Variants in PCDH20 observed in about 807,000 individuals in gnomAD.
The protein encoded by PCDH20 is protocadherin 20.
In PCDH20, 18 loss-of-function variants were observed where a neutral mutation model predicts 39.7. The observed-to-expected ratio is 0.45, with a 90% CI of 0.31 to 0.67. The LOEUF (loss-of-function observed/expected upper bound fraction) is 0.67. Ranked by LOEUF, PCDH20 falls within the 30% of genes least tolerant of loss-of-function variation. The pLI is 0.05. For missense variants in PCDH20, 1,161 were observed against 1,167.4 expected (o/e 0.99, Z 0.08); for synonymous variants, 495 against 455.4 (o/e 1.09, Z -1.11).
At position 61,412,547 on chromosome 13, in the gene PCDH20, T is replaced by A; in HGVS notation, c.1552A>T (p.Lys518Ter). The A allele has an allele frequency of 6.2e-7, 1 of 1,614,118 alleles. No individual in the cohort carries two copies. The change falls in exon 2 of 2, where the codon AAA becomes TAA. Residue 518 changes from lysine (K) to a stop codon, truncating the protein, a stop_gained. Coordinates refer to ENST00000409204, the Ensembl canonical transcript of PCDH20. LOFTEE classifies it high-confidence loss of function. The stretch of plus-strand genomic sequence containing the variant: ...AAAAGTTGCACTTTAATGACCCTTT[T>A]GACATGAAATCCCTCAGAGTTCCAA...
exon 2 of PCDH20, chr13:61,412,918 T>C: frequency 6.2e-7 from 1 of 1,614,158 alleles, no homozygotes; most frequent in Non-Finnish European, 8.5e-7. Flanking sequence ...GGTGAGCTTG[T>C]GGGACTCCAG....
exon 2 of PCDH20, chr13:61,409,959 A>T (rs1179750639): frequency 1.3e-5 from 2 of 152,112 alleles, no homozygotes; most frequent in African/African-American, 4.8e-5. Context: ...AAGCTAACAC[A>T]TTCCTTGTTT....
chr13:61,413,771 C>T (rs1871471064), exon 2 of PCDH20: 2 of 1,613,516 alleles, frequency 1.2e-6, no homozygotes, highest in Admixed American at 1.7e-5. Context: ...CACTCAGCAC[C>T]GGTGCGCTCT....
At position 61,413,597 on chromosome 13, in the gene PCDH20, T is replaced by C. The variant is rs747658490; in HGVS notation, c.502A>G (p.Ile168Val). The change falls in exon 2 of 2, where the codon ATC (isoleucine) becomes GTC (valine). Residue 168 changes from isoleucine to valine, a missense_variant. Transcript: ENST00000409204. ...CAAGAGTCAGAAGGAGAGGAGGAGA[T>C]GGAAACGCTGCCGCTCCACGCAGTC... 3.1e-6 allele frequency: 5 copies of C among 1,614,060 alleles called. No homozygotes were observed. In the Admixed American group the frequency reaches 5.0e-5, roughly 16 times the overall value.
exon 2 of PCDH20, chr13:61,412,507 T>G: frequency 6.2e-7 from 1 of 1,614,190 alleles, no homozygotes; most frequent in Non-Finnish European, 8.5e-7. Context: ...AATTGGAGCA[T>G]TATCATTGTC....
chr13:61,413,649 C>T (rs1444715292), exon 2 of PCDH20: 1 of 1,614,212 alleles, frequency 6.2e-7, no homozygotes, highest in South Asian at 1.1e-5. Context: ...CACACAGGGC[C>T]TCCCTGTCGA....
chr13:61,411,820 G>A (rs1345156589), exon 2 of PCDH20: 1 of 1,614,048 alleles, frequency 6.2e-7, no homozygotes, highest in African/African-American at 1.3e-5. Context: ...CGGGGAGCCT[G>A]GCAGAGTAGA....
exon 2 of PCDH20, chr13:61,413,844 C>G: frequency 6.2e-7 from 1 of 1,612,808 alleles, no homozygotes; most frequent in Non-Finnish European, 8.5e-7. Flanking sequence ...GGTCCTCGGC[C>G]AGGCTGCCGA....
upstream of PCDH20, chr13:61,415,637 C>T (rs1384085193): frequency 6.5e-6 from 1 of 152,854 alleles, no homozygotes; most frequent in Non-Finnish European, 1.5e-5. Flanking sequence ...CCTGGAGCCT[C>T]GGATCCAGCA....
exon 2 of PCDH20, chr13:61,411,936 G>A: frequency 6.2e-7 from 1 of 1,614,038 alleles, no homozygotes; most frequent in East Asian, 2.2e-5. Context: ...TAGAGGAGAG[G>A]GCAGGCTCAC....
At chr13:61,412,279 T>C (rs1878262041) in exon 2 of PCDH20, 2 of 1,614,018 alleles carry the variant, frequency 1.2e-6, no homozygotes, top group South Asian at 1.1e-5. Flanking sequence ...TCTGACAGTG[T>C]ATCTGTACTT....
At chr13:61,411,690 G>A in exon 2 of PCDH20, 8 of 1,614,150 alleles carry the variant, frequency 5.0e-6, no homozygotes, top group East Asian at 2.2e-5. Context: ...CCAAAGTAAT[G>A]TTGCCAGTTT....
At chr13:61,413,805 C>A in exon 2 of PCDH20, 1 of 1,613,194 alleles carries the variant, frequency 6.2e-7, no homozygotes, top group Non-Finnish European at 8.5e-7. Flanking sequence ...GCGGGTCCGG[C>A]CTCCCTGCAG....
chr13:61,411,000 GC>G, exon 2 of PCDH20: 2 of 138,036 alleles, frequency 1.4e-5, no homozygotes, highest in East Asian at 2.0e-4. Context: ...CCATGTCCAA[GC>G]TTTTTTTTTT....
Position 61,411,187 on chromosome 13 carries a change from T to C in PCDH20, c.*56A>G, listed in dbSNP as rs1380488572. On this transcript the variant is annotated 3_prime_UTR_variant, in exon 2 of 2. Transcript: ENST00000409204. ...TGCCATCAACACACTCTTTTTTAGG[T>C]GATGAAGATCCAAAGTCAGTTAAAA... 4 of 1,442,158 alleles carry C rather than the reference T, an allele frequency of 2.8e-6. No individual in the cohort carries two copies. The African/African-American group carries it at 4.3e-5, about 15-fold the overall frequency. The allele number at this position is 1,442,158 out of a possible 1,614,324, so 89.3% of individuals were successfully genotyped here. A position where few individuals can be genotyped will look rare whatever the true frequency, so the allele number is the denominator to read the frequency against.
chr13:61,415,145 C>A, exon 1 of PCDH20: 1 of 1,461,322 alleles, frequency 6.8e-7, no homozygotes, highest in Non-Finnish European at 9.1e-7. Context: ...GCGCGCATTC[C>A]CTCGGCCGCG....
At chr13:61,411,741 C>A (rs1233337981) in exon 2 of PCDH20, 1 of 1,614,166 alleles carries the variant, frequency 6.2e-7, no homozygotes, top group Admixed American at 1.7e-5. Flanking sequence ...GACCTCTTCT[C>A]CCTATGATGC....
At chr13:61,412,176 G>C in exon 2 of PCDH20, 1 of 1,614,160 alleles carries the variant, frequency 6.2e-7, no homozygotes. Context: ...TGAAGTCCTT[G>C]TTGATAAACC....
chr13:61,415,042 G>A, exon 1 of PCDH20: 1 of 1,516,142 alleles, frequency 6.6e-7, no homozygotes, highest in Non-Finnish European at 8.9e-7. Flanking sequence ...GGTTCCTGTA[G>A]CTGGTGCTGC....
Sources: allele counts gnomAD v4.1 joint callset, GRCh38; gene constraint gnomAD v4.1.1; transcripts MANE v1.5; gene names NCBI Gene and HGNC (gene_info 2026-07-23, HGNC 2026-07-21).